Variants in TCF7L2 observed in about 807,000 individuals in gnomAD.
TCF7L2 encodes transcription factor 7 like 2.
A neutral mutation model predicts 77.9 loss-of-function variants in TCF7L2; 23 were observed. The observed-to-expected ratio is 0.30, with a 90% CI of 0.21 to 0.42. The LOEUF is 0.42. Ranked by LOEUF, TCF7L2 falls within the 10% of genes least tolerant of loss-of-function variation. TCF7L2 has a pLI of 1.00. For synonymous variants in TCF7L2, 413 were observed against 340.2 expected, an observed-to-expected ratio of 1.21 and a Z score of -2.36; for missense variants, 654 against 793.1, an observed-to-expected ratio of 0.82 and a Z score of 2.11.
chr10:113,012,594 A>G (rs980688975), intron 4 of TCF7L2, among the ~76,000 whole-genome samples: 6 of 152,152 alleles, frequency 3.9e-5, no homozygotes, highest in African/African-American at 1.2e-4. Context: ...CAAAACTGAA[A>G]TGTCTCTGCT....
intron 5 of TCF7L2, among the ~76,000 whole-genome samples, chr10:113,042,507 T>TA (rs766557299): frequency 3.3e-5 from 5 of 152,140 alleles, no homozygotes; most frequent in Non-Finnish European, 7.4e-5. Flanking sequence ...GTGGTTTACA[T>TA]TTGTGAAATA....
intron 4 of TCF7L2, among the ~76,000 whole-genome samples, chr10:113,009,057 T>C (rs1250183414): frequency 1.3e-5 from 2 of 152,190 alleles, no homozygotes; most frequent in Non-Finnish European, 1.5e-5. Flanking sequence ...CATCTCAGAC[T>C]CCCAAGTAGC....
chr10:113,101,842 CA>C (rs71007412), intron 5 of TCF7L2, among the ~76,000 whole-genome samples: 16 of 45,994 alleles, frequency 3.5e-4, no homozygotes, highest in Admixed American at 6.0e-4. Context: ...GACTCCGTCT[CA>C]AAAAAAAAAA....
At chr10:113,143,643 C>T (rs1028316360) in intron 6 of TCF7L2, among the ~76,000 whole-genome samples, 3 of 152,194 alleles carry the variant, frequency 2.0e-5, no homozygotes, top group Non-Finnish European at 2.9e-5. Flanking sequence ...TTGAAACAAT[C>T]ACACCAGTCA....
chr10:112,978,685 T>C (rs775075136), intron 4 of TCF7L2, among the ~76,000 whole-genome samples: 16 of 150,860 alleles, frequency 1.1e-4, no homozygotes, highest in Admixed American at 3.3e-4. Context: ...TTCACTGTGT[T>C]AGCCAGGATG....
intron 5 of TCF7L2, among the ~76,000 whole-genome samples, chr10:113,111,426 G>T (rs946337149): frequency 2.0e-5 from 3 of 152,156 alleles, no homozygotes; most frequent in African/African-American, 7.2e-5. Context: ...CCTAAGGGAA[G>T]GATACCAGGA....
intron 5 of TCF7L2, among the ~76,000 whole-genome samples, chr10:113,110,542 G>A (rs775496848): frequency 1.3e-4 from 20 of 152,092 alleles, no homozygotes; most frequent in Non-Finnish European, 2.4e-4. Context: ...CTTTGGTAAA[G>A]GAAGCTCTTC....
intron 4 of TCF7L2, among the ~76,000 whole-genome samples, chr10:112,992,723 C>T (rs1030670738): frequency 6.6e-6 from 1 of 151,980 alleles, no homozygotes; most frequent in Admixed American, 6.6e-5. Flanking sequence ...AGCAGACCCC[C>T]TCTGTGACTC....
Position 113,166,175 on chromosome 10 carries a change from G to C in TCF7L2, c.*203G>C, listed in dbSNP as rs1251452744. 2 of 456,656 alleles carry C rather than the reference G, an allele frequency of 4.4e-6. No individual in the cohort carries two copies. Among genetic ancestry groups the C allele is most frequent in the African/African-American group, 4.0e-5 (2 of 49,448 alleles). 28.3% of individuals were successfully genotyped at this position (456,656 alleles called of 1,614,324 possible). ...TTTCTCCTTTTAAATATGTAGATGA[G>C]AGAAGAACCTCATGATTCTACCAAA... On this transcript the variant is annotated 3_prime_UTR_variant, in exon 14 of 14. Transcript: ENST00000627217.
At chr10:113,042,147 C>T (rs1036451359) in intron 5 of TCF7L2, among the ~76,000 whole-genome samples, 4 of 152,198 alleles carry the variant, frequency 2.6e-5, no homozygotes, top group Non-Finnish European at 5.9e-5. Context: ...TCTCATTTTC[C>T]TATGTAGAAA....
chr10:112,992,090 T>TA (rs746341511), intron 4 of TCF7L2, among the ~76,000 whole-genome samples: 1 of 152,132 alleles, frequency 6.6e-6, no homozygotes, highest in African/African-American at 2.4e-5. Context: ...CCAGCCCTGT[T>TA]ACCCTGGCAG....
intron 4 of TCF7L2, among the ~76,000 whole-genome samples, chr10:112,970,714 G>A (rs1184908628): frequency 6.6e-6 from 1 of 151,942 alleles, no homozygotes; most frequent in Non-Finnish European, 1.5e-5. Context: ...TTTTGATGAG[G>A]GTCTCTTGTG....
chr10:113,072,493 T>G (rs1197272738), intron 5 of TCF7L2, among the ~76,000 whole-genome samples: 1 of 152,184 alleles, frequency 6.6e-6, no homozygotes, highest in Non-Finnish European at 1.5e-5. Flanking sequence ...TAGCTGGGAT[T>G]ACAGGCGTGT....
chr10:113,069,670 T>C (rs2057704885), intron 5 of TCF7L2, among the ~76,000 whole-genome samples: 1 of 152,176 alleles, frequency 6.6e-6, no homozygotes, highest in African/African-American at 2.4e-5. Context: ...TAGACTAGTC[T>C]GGCCTTCTGC....
rs1358976490 is a variant in TCF7L2 at position 113,165,917 on chromosome 10, C to A, written c.1754C>A (p.Ser585Tyr). 2.5e-6 allele frequency: 4 copies of A among 1,580,714 alleles called. No individual in the cohort carries two copies. In the East Asian group the frequency reaches 6.8e-5, roughly 27 times the overall value. Reference sequence around the variant, plus strand: ...ACTTCTTCCTTACATTCCCACAGCTCCCTGGCCGGGACCCAGCCCCAGCCG... The same window carrying A: ...ACTTCTTCCTTACATTCCCACAGCTACCTGGCCGGGACCCAGCCCCAGCCG... The change falls in exon 14 of 14, where the codon TCC becomes TAC. Residue 585 changes from serine (S) to tyrosine (Y), a missense_variant. Physicochemically the swap from Ser to Tyr is moderately radical, Grantham distance 144 (BLOSUM62 -2). This residue lies in a region of TCF7L2 where 272 missense variants were observed against 215.4 expected (regional missense o/e 1.26). Coordinates refer to ENST00000627217, the MANE Select transcript of TCF7L2 (RefSeq NM_001146274.2).
chr10:113,166,602 T>C lies in TCF7L2; in HGVS notation c.*630T>C, dbSNP rs184002338. 6.5e-4 allele frequency: 150 copies of C among 229,698 alleles called. No homozygotes were observed. The highest frequency in any genetic ancestry group is 3.1e-3 in the African/African-American group (140 of 45,286). 14.2% of individuals were successfully genotyped at this position (229,698 alleles called of 1,614,324 possible). On this transcript the variant is annotated 3_prime_UTR_variant, in exon 14 of 14. Coordinates refer to ENST00000627217, the MANE Select transcript of TCF7L2 (RefSeq NM_001146274.2). The stretch of plus-strand genomic sequence containing the variant: ...GGAGGGGACGCTACTCAACACTTAA[T>C]AGAATCACAACGCTGTTGGGCCAGT...
chr10:113,023,301 G>A (rs575995568), intron 4 of TCF7L2, among the ~76,000 whole-genome samples: 1 of 152,282 alleles, frequency 6.6e-6, no homozygotes, highest in South Asian at 2.1e-4. Context: ...TAGGGACTGA[G>A]TTTCACTTGC....
At position 112,964,818 on chromosome 10, in the gene TCF7L2, G is replaced by A. The variant is rs1301795882; in HGVS notation, c.450+194G>A. Among the ~76,000 whole-genome samples the A allele has an allele frequency of 1.0e-4, 11 of 108,542 alleles. 1 individual carries two copies. In the East Asian group the frequency reaches 6.4e-3, roughly 64 times the overall value. 71.2% of individuals were successfully genotyped at this position (108,542 alleles called of 152,430 possible). A position where few individuals can be genotyped will look rare whatever the true frequency, so the allele number is the denominator to read the frequency against. On this transcript the variant is annotated intron_variant, in intron 4 of 13. Coordinates refer to ENST00000627217, the MANE Select transcript of TCF7L2 (RefSeq NM_001146274.2). ...ATGGTGGTGGTGGTGGTGGTGGGGGGGGGTTGAATCACTGGGGGAGAAGGG... is the reference window on the plus strand; with the variant it reads ...ATGGTGGTGGTGGTGGTGGTGGGGGAGGGTTGAATCACTGGGGGAGAAGGG...
intron 10 of TCF7L2, among the ~76,000 whole-genome samples, 177 bp downstream of exon 10, chr10:113,152,061 C>A (rs1010072902): frequency 6.6e-6 from 1 of 152,128 alleles, no homozygotes; most frequent in South Asian, 2.1e-4. Context: ...CTGCACTCAG[C>A]GTTCAGAACA....
Sources: allele counts gnomAD v4.1 joint callset (sites outside exome capture counted in the v4.1 genomes callset), GRCh38; gene constraint gnomAD v4.1.1; regional missense constraint gnomAD v4.1.1; transcripts MANE v1.5; gene names NCBI Gene and HGNC (gene_info 2026-07-23, HGNC 2026-07-21).